RBPMS2: variants seen among roughly 807,000 people sequenced by gnomAD.
RBPMS2 encodes the protein RNA-binding protein with multiple splicing 2.
Under a neutral mutation model 25.7 loss-of-function variants are expected in RBPMS2, and 14 were observed. The ratio of observed to expected loss-of-function variants is 0.55; its 90% CI spans 0.36 to 0.85. The LOEUF (loss-of-function observed/expected upper bound fraction) is 0.85. RBPMS2 is among the 40% of genes least tolerant of loss of function. The pLI is 0.01. For synonymous variants in RBPMS2, 127 were observed against 115.6 expected, an observed-to-expected ratio of 1.10 and a Z score of -0.63; for missense variants, 252 against 283.4, an observed-to-expected ratio of 0.89 and a Z score of 0.80.
intron 1 of RBPMS2, among the ~76,000 whole-genome samples, chr15:64,763,474 C>G (rs79869726): frequency 0.042 from 6,325 of 152,268 alleles, 251 homozygotes; most frequent in Admixed American, 0.13. Context: ...GGACAAGTCC[C>G]AGGTTCAGGT....
chr15:64,766,045 C>A (rs1262721424), intron 1 of RBPMS2, among the ~76,000 whole-genome samples: 3 of 152,076 alleles, frequency 2.0e-5, no homozygotes, highest in Non-Finnish European at 4.4e-5. Context: ...TAACTCCCTG[C>A]CCCTACCTGC....
chr15:64,754,440 C>T (rs1015585728), intron 1 of RBPMS2, among the ~76,000 whole-genome samples: 1 of 152,064 alleles, frequency 6.6e-6, no homozygotes, highest in Non-Finnish European at 1.5e-5. Flanking sequence ...GGAGAAACCC[C>T]GTCTCTACTA....
chr15:64,746,561 T>C (rs761164972), intron 6 of RBPMS2, among the ~76,000 whole-genome samples: 1 of 152,176 alleles, frequency 6.6e-6, no homozygotes, highest in Non-Finnish European at 1.5e-5. Flanking sequence ...GGGCCAGAGT[T>C]GGACAGCTGC....
chr15:64,751,603 G>A lies in RBPMS2; in HGVS notation c.123C>T (p.Asp41=), dbSNP rs1197500704. ...GCAAGTAGAGTTCTCTGGGTTTAAT[G>A]TCCACAGGGAGGCCGCTGACAAACA... is the stretch of plus-strand genomic sequence containing the variant. ...RTLFVSGLPV[D]IKPRELYLLF... Residue 41 remains aspartate, a synonymous_variant, in exon 2 of 8, where the codon GAC becomes GAT. Transcript: ENST00000300069. 1 of 1,613,886 alleles carries A rather than the reference G, an allele frequency of 6.2e-7. No individual in the cohort carries two copies. The highest frequency in any genetic ancestry group is 1.3e-5 in the African/African-American group (1 of 74,898).
At position 64,750,766 on chromosome 15, in the gene RBPMS2, A is replaced by G. The variant is rs1214471115; in HGVS notation, c.166-385T>C. Among the ~76,000 whole-genome samples, 4 of 152,240 alleles carry G rather than the reference A, an allele frequency of 2.6e-5. No homozygotes were observed. The East Asian group carries it at 7.7e-4, about 29-fold the overall frequency. Reference sequence around the variant, plus strand: ...TAAAGATTCTTACTGTTAGCTGGGCATCATGGCTCACGTCTGTAATCCCAG... The same window carrying G: ...TAAAGATTCTTACTGTTAGCTGGGCGTCATGGCTCACGTCTGTAATCCCAG... On this transcript the variant is annotated intron_variant, in intron 2 of 7. Transcript: ENST00000300069.
In RBPMS2 at chr15:64,775,480, G is replaced by GGTCA; in HGVS notation, c.-165_-162dup. ...AGGGGCAGCCTCCGCGTCGGGCCAG[G>GGTCA]GTCACATCAAGTTTGGCGGGTGCGG... is the stretch of plus-strand genomic sequence containing the variant. On this transcript the variant is annotated 5_prime_UTR_variant, in exon 1 of 8. Transcript: ENST00000300069. 1 of 344,364 alleles carries GGTCA rather than the reference G, an allele frequency of 2.9e-6. No individual in the cohort carries two copies. Among genetic ancestry groups the GGTCA allele is most frequent in the Admixed American group, 4.9e-5 (1 of 20,564 alleles). The allele number at this position is 344,364 out of a possible 1,614,324, so 21.3% of individuals were successfully genotyped here. A position where few individuals can be genotyped will look rare whatever the true frequency, so the allele number is the denominator to read the frequency against.
rs2083924370 is a variant in RBPMS2 at position 64,775,424 on chromosome 15, G to A, written c.-105C>T. 4.1e-6 allele frequency: 2 copies of A among 492,726 alleles called. No individual in the cohort carries two copies. Among genetic ancestry groups the A allele is most frequent in the Non-Finnish European group, 6.2e-6 (2 of 323,414 alleles). The allele number at this position is 492,726 out of a possible 1,614,324, so 30.5% of individuals were successfully genotyped here. ...GGAGCGGTGCGCTCGCGGGTGCGGA[G>A]CGGGTGGCGGGGGACCCACGGGGCA... On this transcript the variant is annotated 5_prime_UTR_variant, in exon 1 of 8. Coordinates refer to ENST00000300069, the MANE Select transcript of RBPMS2 (RefSeq NM_194272.3).
intron 6 of RBPMS2, among the ~76,000 whole-genome samples, chr15:64,741,566 G>A (rs551590801): frequency 5.9e-5 from 9 of 152,312 alleles, no homozygotes; most frequent in Non-Finnish European, 8.8e-5. Context: ...CCAGCAACCC[G>A]CCCTTCCCCT....
chr15:64,743,102 CA>C (rs1175787981), intron 6 of RBPMS2, among the ~76,000 whole-genome samples: 2 of 152,240 alleles, frequency 1.3e-5, no homozygotes, highest in African/African-American at 4.8e-5. Flanking sequence ...GGGCCCTGAC[CA>C]CTGCCCTTCA....
At chr15:64,760,946 CCTT>C (rs1171526066) in intron 1 of RBPMS2, among the ~76,000 whole-genome samples, 1 of 151,804 alleles carries the variant, frequency 6.6e-6, no homozygotes, top group Non-Finnish European at 1.5e-5. Context: ...CCAACTCTGG[CCTT>C]CTGTAAATTC....
chr15:64,762,983 CCAA>C (rs1214127710), intron 1 of RBPMS2, among the ~76,000 whole-genome samples: 6 of 150,914 alleles, frequency 4.0e-5, no homozygotes, highest in Non-Finnish European at 8.8e-5. Context: ...CTCTGCAGAG[CCAA>C]CGTTAGGGCT....
intron 5 of RBPMS2, 93 bp downstream of exon 5, chr15:64,748,907 G>A (rs944703621): frequency 1.4e-6 from 2 of 1,439,536 alleles, no homozygotes; most frequent in Admixed American, 4.3e-5. Context: ...GACACAAAAA[G>A]CCTCCTGGAA....
intron 1 of RBPMS2, among the ~76,000 whole-genome samples, chr15:64,757,818 C>CG (rs397798676): frequency 1.2e-4 from 18 of 149,222 alleles, no homozygotes; most frequent in East Asian, 3.9e-4. Context: ...TATCCCCCCC[C>CG]ACAAAAAATC....
chr15:64,768,128 G>A lies in RBPMS2; in HGVS notation c.87+7105C>T, dbSNP rs1316599168. Among the ~76,000 whole-genome samples, 9 of 152,358 alleles carry A rather than the reference G, an allele frequency of 5.9e-5. No homozygotes were observed. The East Asian group carries it at 1.7e-3, about 29-fold the overall frequency. On this transcript the variant is annotated intron_variant, in intron 1 of 7. Transcript: ENST00000300069. Reference sequence around the variant, plus strand: ...CAAGAATCGTTTCTTTAGTTAAAATGCCCAAAGCAATGGGTAGTGGAGGAG... The same window carrying A: ...CAAGAATCGTTTCTTTAGTTAAAATACCCAAAGCAATGGGTAGTGGAGGAG...
chr15:64,762,347 G>A, intron 1 of RBPMS2: 1 of 393,012 alleles, frequency 2.5e-6, no homozygotes, highest in Non-Finnish European at 5.0e-6. Flanking sequence ...CTAGCTATGG[G>A]GAGGTTGGGG....
At chr15:64,754,114 C>A (rs1249027370) in intron 1 of RBPMS2, among the ~76,000 whole-genome samples, 1 of 152,056 alleles carries the variant, frequency 6.6e-6, no homozygotes, top group African/African-American at 2.4e-5. Context: ...AGTTTGAGAC[C>A]AGCCTGGCCG....
intron 1 of RBPMS2, among the ~76,000 whole-genome samples, chr15:64,760,170 G>GCT (rs2083770793): frequency 6.6e-6 from 1 of 152,212 alleles, no homozygotes; most frequent in Non-Finnish European, 1.5e-5. Flanking sequence ...GGCTCGTGGG[G>GCT]GAGAAGGAGG....
chr15:64,743,146 C>A (rs1445507426), intron 6 of RBPMS2, among the ~76,000 whole-genome samples: 1 of 152,242 alleles, frequency 6.6e-6, no homozygotes, highest in Non-Finnish European at 1.5e-5. Context: ...GCAAGGAAAT[C>A]CCGGACGGGC....
At chr15:64,745,465 C>T (rs531014948) in intron 6 of RBPMS2, among the ~76,000 whole-genome samples, 6 of 152,156 alleles carry the variant, frequency 3.9e-5, no homozygotes, top group Admixed American at 2.0e-4. Context: ...AATAGAGGCA[C>T]GGGAGTTTAT....
Sources: gnomAD v4.1 joint callset for allele counts (sites outside exome capture counted in the v4.1 genomes callset) on GRCh38, gnomAD v4.1.1 for gene constraint, MANE v1.5 for transcripts, NCBI Gene and HGNC (gene_info 2026-07-23, HGNC 2026-07-21) for gene names.